KITLG: variants seen among roughly 807,000 people sequenced by gnomAD.
KITLG encodes the protein c-Kit ligand.
A neutral mutation model predicts 34.1 loss-of-function variants in KITLG; 13 were observed. That is an observed-to-expected ratio of 0.38 (90% CI 0.25 to 0.61). The LOEUF is 0.61. Ranked by LOEUF, KITLG falls within the 20% of genes least tolerant of loss-of-function variation. KITLG has a pLI of 0.60. For synonymous variants in KITLG, 110 were observed against 104.0 expected, an observed-to-expected ratio of 1.06 and a Z score of -0.35; for missense variants, 292 against 318.9, an observed-to-expected ratio of 0.92 and a Z score of 0.64.
At chr12:88,541,664 G>T (rs1342679937) in intron 2 of KITLG, among the ~76,000 whole-genome samples, 1 of 152,110 alleles carries the variant, frequency 6.6e-6, no homozygotes, top group Non-Finnish European at 1.5e-5. Context: ...GTCTGAGTTT[G>T]CCATTTAAAA....
chr12:88,511,362 G>A (rs975294423), intron 6 of KITLG, among the ~76,000 whole-genome samples: 4 of 152,178 alleles, frequency 2.6e-5, no homozygotes, highest in African/African-American at 9.7e-5. Context: ...CACTAAGTGA[G>A]GCTCATGTTT....
chr12:88,534,660 T>C (rs779943371), intron 2 of KITLG: 1 of 512,048 alleles, frequency 2.0e-6, no homozygotes, highest in Non-Finnish European at 3.9e-6. Flanking sequence ...AGCCACCGTG[T>C]CCATTCCATT....
chr12:88,545,475 G>T (rs998670058), intron 2 of KITLG, among the ~76,000 whole-genome samples: 1 of 152,186 alleles, frequency 6.6e-6, no homozygotes, highest in African/African-American at 2.4e-5. Flanking sequence ...AACTCTCCAA[G>T]GTCCTTCACT....
chr12:88,522,753 C>G (rs151336841), intron 3 of KITLG, among the ~76,000 whole-genome samples: 1 of 152,066 alleles, frequency 6.6e-6, no homozygotes, highest in African/African-American at 2.4e-5. Flanking sequence ...AGAGCAGTCA[C>G]GGTAAGATTT....
At chr12:88,546,022 C>T in intron 1 of KITLG, 157 bp from the exon 2 acceptor site, 1 of 728,206 alleles carries the variant, frequency 1.4e-6, no homozygotes, top group Non-Finnish European at 2.5e-6. Flanking sequence ...CTATGCTCAC[C>T]AAAGTTTTTA....
At chr12:88,538,032 T>C (rs1344093182) in intron 2 of KITLG, among the ~76,000 whole-genome samples, 2 of 152,152 alleles carry the variant, frequency 1.3e-5, no homozygotes, top group East Asian at 3.9e-4. Flanking sequence ...GGGAATCATA[T>C]AGAATCTAGC....
chr12:88,502,207 G>A (rs1458022565), intron 9 of KITLG, among the ~76,000 whole-genome samples: 1 of 151,998 alleles, frequency 6.6e-6, no homozygotes, highest in Non-Finnish European at 1.5e-5. Flanking sequence ...AGTGAGCTGG[G>A]TTTTTTTCTG....
chr12:88,572,165 C>T (rs1428363294), intron 1 of KITLG, among the ~76,000 whole-genome samples: 1 of 152,070 alleles, frequency 6.6e-6, no homozygotes, highest in East Asian at 1.9e-4. Context: ...TTATGTGTGA[C>T]ATTTGTACAG....
At chr12:88,546,947 G>C (rs1870741818) in intron 1 of KITLG, among the ~76,000 whole-genome samples, 1 of 152,126 alleles carries the variant, frequency 6.6e-6, no homozygotes, top group Non-Finnish European at 1.5e-5. Context: ...GGAAGACAGT[G>C]CCAAGAAAAG....
chr12:88,524,985 T>C (rs1177656534), intron 3 of KITLG, among the ~76,000 whole-genome samples: 1 of 152,056 alleles, frequency 6.6e-6, no homozygotes, highest in East Asian at 1.9e-4. Flanking sequence ...CCATAGTTGG[T>C]TGGATGATGG....
At chr12:88,559,092 A>C (rs1871204640) in intron 1 of KITLG, among the ~76,000 whole-genome samples, 1 of 152,214 alleles carries the variant, frequency 6.6e-6, no homozygotes, top group Non-Finnish European at 1.5e-5. Context: ...AAAGATAAGA[A>C]AAGTTAAGTG....
chr12:88,548,010 G>A (rs552376959), intron 1 of KITLG, among the ~76,000 whole-genome samples: 2 of 152,264 alleles, frequency 1.3e-5, no homozygotes, highest in African/African-American at 4.8e-5. Context: ...TAAGATTAGA[G>A]CAAGGTAAAG....
chr12:88,553,033 T>C (rs545017804), intron 1 of KITLG, among the ~76,000 whole-genome samples: 2 of 152,358 alleles, frequency 1.3e-5, no homozygotes, highest in South Asian at 4.1e-4. Flanking sequence ...AGAAGACAAG[T>C]ACTTCAAAAA....
chr12:88,524,302 A>C (rs947144955), intron 3 of KITLG, among the ~76,000 whole-genome samples: 1 of 152,194 alleles, frequency 6.6e-6, no homozygotes, highest in African/African-American at 2.4e-5. Flanking sequence ...CACCCTATTT[A>C]GAGGCTGGAA....
At chr12:88,562,190 G>A (rs1194354264) in intron 1 of KITLG, among the ~76,000 whole-genome samples, 1 of 152,124 alleles carries the variant, frequency 6.6e-6, no homozygotes, top group African/African-American at 2.4e-5. Context: ...ATTGCTAACT[G>A]CTACTGAATT....
chr12:88,563,005 C>A (rs1204102861), intron 1 of KITLG, among the ~76,000 whole-genome samples: 2 of 152,178 alleles, frequency 1.3e-5, no homozygotes, highest in South Asian at 2.1e-4. Context: ...AGACACTGTC[C>A]TGCAGTAAGT....
Position 88,544,139 on chromosome 12 carries a change from CTT to C in KITLG, c.129+1611_129+1612del, listed in dbSNP as rs112333088. Among the ~76,000 whole-genome samples, 774 of 152,260 alleles carry C rather than the reference CTT, an allele frequency of 5.1e-3. 5 individuals are homozygous for C. Among genetic ancestry groups the C allele is most frequent in the African/African-American group, 0.013 (553 of 41,556 alleles). On this transcript the variant is annotated intron_variant, in intron 2 of 9. Coordinates refer to ENST00000644744, the MANE Select transcript of KITLG (RefSeq NM_000899.5). ...AACTGAGGCACTTAGTATGGTTCCT[CTT>C]CCCTAAGTTCACATAATCATAAAAT...
intron 1 of KITLG, among the ~76,000 whole-genome samples, chr12:88,557,619 G>A (rs942352589): frequency 1.3e-5 from 2 of 152,064 alleles, no homozygotes; most frequent in Non-Finnish European, 2.9e-5. Context: ...AACTAAAAAC[G>A]CCATTTCTCA....
intron 8 of KITLG, among the ~76,000 whole-genome samples, chr12:88,505,623 C>A (rs1869028470): frequency 6.6e-6 from 1 of 152,048 alleles, no homozygotes; most frequent in South Asian, 2.1e-4. Context: ...ATGACAAGAG[C>A]CAGCTACAGT....
Sources: allele counts gnomAD v4.1 joint callset (sites outside exome capture counted in the v4.1 genomes callset), GRCh38; gene constraint gnomAD v4.1.1; transcripts MANE v1.5; gene names NCBI Gene and HGNC (gene_info 2026-07-23, HGNC 2026-07-21).